Variants in GABBR2 observed in about 807,000 individuals in gnomAD.
GABBR2 encodes the protein G-protein coupled receptor 51.
A neutral mutation model predicts 105.6 loss-of-function variants in GABBR2; 23 were observed. The ratio of observed to expected loss-of-function variants is 0.22; its 90% confidence interval spans 0.16 to 0.31. The LOEUF is 0.31. GABBR2 is among the 10% of genes least tolerant of loss of function. GABBR2 has a pLI of 1.00. For synonymous variants in GABBR2, 478 were observed against 499.7 expected (o/e 0.96, Z 0.58); for missense variants, 734 against 1,245.5 (o/e 0.59, Z 6.18).
Position 98,454,814 on chromosome 9 carries a change from C to A in GABBR2, c.1000-597G>T, listed in dbSNP as rs945624563. Among the ~76,000 whole-genome samples the A allele has an allele frequency of 6.6e-6, 1 of 150,610 alleles. No individual in the cohort carries two copies. The highest frequency in any genetic ancestry group is 2.4e-5 in the African/African-American group (1 of 41,150). On this transcript the variant is annotated intron_variant, in intron 6 of 18. Coordinates refer to ENST00000259455, the MANE Select transcript of GABBR2 (RefSeq NM_005458.8). The surrounding 1 kb of genome is among the most constrained non-coding windows in gnomAD (Gnocchi z 4.6). ...ATCCTGCAGCCCAGCCAGGCTCAGT[C>A]CATACCTCCTTCCCCTTCTAGCATC...
chr9:98,411,173 TGCTAACGTCAAAGAAA>T (rs1282160440), intron 7 of GABBR2, among the ~76,000 whole-genome samples: 1 of 152,238 alleles, frequency 6.6e-6, no homozygotes, highest in African/African-American at 2.4e-5. Context: ...AAAGAGATGT[TGCTAACGTCAAAGAAA>T]GCAGTCTGTT....
intron 1 of GABBR2, among the ~76,000 whole-genome samples, chr9:98,581,749 CT>C (rs914429980): frequency 3.3e-5 from 5 of 151,978 alleles, no homozygotes; most frequent in African/African-American, 1.2e-4. Context: ...ATGACTTTGG[CT>C]TTTTTTCTAA....
chr9:98,382,369 A>G (rs1243406472), intron 11 of GABBR2, among the ~76,000 whole-genome samples: 1 of 152,080 alleles, frequency 6.6e-6, no homozygotes, highest in Non-Finnish European at 1.5e-5. Context: ...GCAGGAGTGC[A>G]GTGGCACGAT....
chr9:98,371,172 C>G (rs577729381), intron 12 of GABBR2, among the ~76,000 whole-genome samples: 19 of 152,296 alleles, frequency 1.2e-4, no homozygotes, highest in African/African-American at 3.6e-4. Flanking sequence ...TCAGCCAACT[C>G]CCACTCACCC....
chr9:98,373,342 G>A (rs796111198), intron 11 of GABBR2, among the ~76,000 whole-genome samples: 5 of 152,120 alleles, frequency 3.3e-5, no homozygotes, highest in African/African-American at 9.7e-5. Context: ...TTTTTTGGAG[G>A]TATCAGTTAA....
chr9:98,691,578 A>G (rs146895975), intron 1 of GABBR2, among the ~76,000 whole-genome samples: 34 of 150,672 alleles, frequency 2.3e-4, no homozygotes, highest in Middle Eastern at 3.4e-3. Context: ...GTGAGCACTG[A>G]TTGATTAAGA....
At chr9:98,315,360 T>C (rs1207558604) in intron 13 of GABBR2, among the ~76,000 whole-genome samples, 5 of 152,138 alleles carry the variant, frequency 3.3e-5, no homozygotes, top group Non-Finnish European at 7.4e-5. Flanking sequence ...AATGTTCTGG[T>C]CACTAATGTC....
chr9:98,337,836 G>C (rs1831142099), intron 13 of GABBR2, among the ~76,000 whole-genome samples: 1 of 152,078 alleles, frequency 6.6e-6, no homozygotes, highest in African/African-American at 2.4e-5. Flanking sequence ...GGCTGGCCAA[G>C]AGCCTATTTT....
At chr9:98,663,949 C>T (rs948327289) in intron 1 of GABBR2, among the ~76,000 whole-genome samples, 1 of 152,136 alleles carries the variant, frequency 6.6e-6, no homozygotes, top group African/African-American at 2.4e-5. Flanking sequence ...AACATGGCCA[C>T]CTTGTTAGAA....
Position 98,306,013 on chromosome 9 carries a change from A to G in GABBR2, c.2229+108T>C. On this transcript the variant is annotated intron_variant, in intron 15 of 18. Transcript: ENST00000259455. This position sits in a 1 kb window ranked among gnomAD's most constrained non-coding sequence, Gnocchi z 5.4. ...CTATAATGTGAATTGTCTTCATCAT[A>G]AAAAAAAAAAGGAATGGGTAAACCT... is the stretch of plus-strand genomic sequence containing the variant. 3.3e-6 allele frequency: 1 copy of G among 301,890 alleles called. No individual in the cohort carries two copies. The highest frequency in any genetic ancestry group is 5.5e-6 in the Non-Finnish European group (1 of 181,634). 18.7% of individuals were successfully genotyped at this position (301,890 alleles called of 1,614,324 possible).
At chr9:98,488,839 C>T (rs1827115803) in intron 4 of GABBR2, among the ~76,000 whole-genome samples, 1 of 152,290 alleles carries the variant, frequency 6.6e-6, no homozygotes, top group South Asian at 2.1e-4. Flanking sequence ...AAGAGCCAGT[C>T]TGTAGCTAGA....
At chr9:98,571,748 C>G (rs1263916247) in intron 2 of GABBR2, among the ~76,000 whole-genome samples, 1 of 152,186 alleles carries the variant, frequency 6.6e-6, no homozygotes, top group Non-Finnish European at 1.5e-5. Flanking sequence ...CTCAGGGAAC[C>G]TTGGCCCACA....
intron 6 of GABBR2, among the ~76,000 whole-genome samples, chr9:98,464,306 A>G (rs10986350): frequency 0.25 from 36,031 of 142,668 alleles, 4,749 homozygotes; most frequent in East Asian, 0.53. Flanking sequence ...GGAAGTGAGG[A>G]GTACCTCAGC....
At chr9:98,545,232 T>C (rs1004686817) in intron 2 of GABBR2, among the ~76,000 whole-genome samples, 4 of 152,318 alleles carry the variant, frequency 2.6e-5, no homozygotes, top group South Asian at 2.1e-4. Flanking sequence ...AAATGGCCCA[T>C]TGGGTTTACA....
intron 1 of GABBR2, among the ~76,000 whole-genome samples, chr9:98,605,965 C>CA (rs1383043038): frequency 6.6e-6 from 1 of 152,052 alleles, no homozygotes; most frequent in Non-Finnish European, 1.5e-5. Context: ...TGATGTTCCC[C>CA]TTCCTGTGTC....
chr9:98,335,179 C>A (rs1831091957), intron 13 of GABBR2, among the ~76,000 whole-genome samples: 1 of 152,118 alleles, frequency 6.6e-6, no homozygotes, highest in Admixed American at 6.5e-5. Flanking sequence ...AACAATTGTT[C>A]AAATGCTAAC....
chr9:98,463,785 G>A (rs1230686270), intron 6 of GABBR2, among the ~76,000 whole-genome samples: 3 of 152,050 alleles, frequency 2.0e-5, no homozygotes, highest in African/African-American at 2.4e-5. Flanking sequence ...CCAGGCACTC[G>A]CCGCCACTCC....
intron 7 of GABBR2, among the ~76,000 whole-genome samples, chr9:98,453,440 G>A (rs1370432624): frequency 2.0e-5 from 3 of 152,222 alleles, no homozygotes; most frequent in Non-Finnish European, 2.9e-5. Flanking sequence ...TTAAGAGACT[G>A]CAGAGACAGA....
chr9:98,345,562 C>T (rs931100585), intron 13 of GABBR2, among the ~76,000 whole-genome samples: 20 of 152,198 alleles, frequency 1.3e-4, no homozygotes, highest in African/African-American at 4.8e-4. Flanking sequence ...TATGTCCCCT[C>T]CCACCACTCC....
Sources: gnomAD v4.1 joint callset for allele counts (sites outside exome capture counted in the v4.1 genomes callset) on GRCh38, gnomAD v4.1.1 for gene constraint, Gnocchi (gnomAD v3.1) non-coding constraint, MANE v1.5 for transcripts, NCBI Gene and HGNC (gene_info 2026-07-23, HGNC 2026-07-21) for gene names.